KALRN: variants seen among roughly 807,000 people sequenced by gnomAD.
KALRN encodes the protein kalirin.
Under a neutral mutation model 353.7 loss-of-function variants are expected in KALRN, and 70 were observed. The observed-to-expected ratio is 0.20, with a 90% CI of 0.16 to 0.24. KALRN has a LOEUF of 0.24. Among genes scored for constraint, KALRN ranks in the 10% least tolerant of loss-of-function variants. The pLI, the probability that KALRN is intolerant of heterozygous loss-of-function variation, is 1.00. For missense variants in KALRN, 2,791 were observed against 3,756.7 expected, an observed-to-expected ratio of 0.74 and a Z score of 6.72; for synonymous variants, 1,391 against 1,434.8, an observed-to-expected ratio of 0.97 and a Z score of 0.69.
At chr3:124,337,308 T>A (rs150872587) in intron 9 of KALRN, among the ~76,000 whole-genome samples, 2,228 of 148,954 alleles carry the variant, frequency 0.015, 50 homozygotes, top group African/African-American at 0.053. Flanking sequence ...CATAAATAGC[T>A]TTTATTATTT....
intron 1 of KALRN, among the ~76,000 whole-genome samples, chr3:124,208,258 G>A (rs187642066): frequency 1.1e-3 from 169 of 152,304 alleles, no homozygotes; most frequent in Admixed American, 3.4e-3. Flanking sequence ...TCCTGTACTG[G>A]CACTCAGCCT....
intron 10 of KALRN, among the ~76,000 whole-genome samples, chr3:124,369,186 A>T (rs1560708146): frequency 1.3e-5 from 2 of 152,258 alleles, no homozygotes; most frequent in African/African-American, 4.8e-5. Context: ...TTCATCTTTA[A>T]GATAAATATA....
chr3:124,702,010 T>C, intron 56 of KALRN, 28 bp from the exon 57 acceptor site: 3 of 1,584,302 alleles, frequency 1.9e-6, no homozygotes, highest in Non-Finnish European at 2.6e-6. Context: ...ATCCTCGATA[T>C]TGTAAATGGA....
intron 13 of KALRN, among the ~76,000 whole-genome samples, chr3:124,411,433 C>CTTTTTTTTTTTTTTTTTTTT (rs61485429): frequency 3.9e-5 from 2 of 51,496 alleles, no homozygotes; most frequent in African/African-American, 6.3e-5. Context: ...TTAAATTATG[C>CTTTTTTTTTTTTTTTTTTTT]TTTTTTTTTT....
chr3:124,472,409 G>T (rs968841448), intron 25 of KALRN, among the ~76,000 whole-genome samples: 3 of 152,186 alleles, frequency 2.0e-5, no homozygotes, highest in Non-Finnish European at 4.4e-5. Context: ...AAGGGCCCAG[G>T]CTGGGCACGG....
intron 6 of KALRN, among the ~76,000 whole-genome samples, chr3:124,302,080 G>T (rs2077312155): frequency 6.6e-6 from 1 of 152,146 alleles, no homozygotes; most frequent in Non-Finnish European, 1.5e-5. Context: ...AGATTCAGGG[G>T]AATCCTAAAA....
At chr3:124,370,768 T>C (rs756483608) in intron 10 of KALRN, among the ~76,000 whole-genome samples, 2 of 152,242 alleles carry the variant, frequency 1.3e-5, no homozygotes, top group African/African-American at 2.4e-5. Flanking sequence ...TTGGCACCCA[T>C]TGAGTGGAAA....
intron 11 of KALRN, among the ~76,000 whole-genome samples, chr3:124,389,991 T>G (rs1189538592): frequency 6.6e-6 from 1 of 152,234 alleles, no homozygotes; most frequent in African/African-American, 2.4e-5. Context: ...TACTTGGGAC[T>G]TTCTTATACA....
At chr3:124,646,274 C>T (rs1052404317) in intron 37 of KALRN, among the ~76,000 whole-genome samples, 10 of 152,068 alleles carry the variant, frequency 6.6e-5, no homozygotes, top group African/African-American at 9.7e-5. Flanking sequence ...ATATGGAGCT[C>T]GCAGTCTCTA....
chr3:124,634,158 G>T (rs551044598), intron 36 of KALRN, among the ~76,000 whole-genome samples: 4 of 152,138 alleles, frequency 2.6e-5, no homozygotes, highest in African/African-American at 9.7e-5. Flanking sequence ...AGTGGAGGGG[G>T]TGTGTGCAGA....
rs556477834 is a variant in KALRN at position 124,518,785 on chromosome 3, A to G, written c.4935+22372A>G. The stretch of plus-strand genomic sequence containing the variant: ...ACTTCCCCCAGATCCCACTCAGAAC[A>G]GCAGGTACGCCCAGGCTCCTGCTGC... On this transcript the variant is annotated intron_variant, in intron 33 of 59. Transcript: ENST00000682506. 2,362 of 1,269,124 alleles carry G rather than the reference A, an allele frequency of 1.9e-3. 3 individuals carry two copies. The highest frequency in any genetic ancestry group is 2.3e-3 in the Non-Finnish European group (2,272 of 1,001,174). The allele number at this position is 1,269,124 out of a possible 1,614,324, so 78.6% of individuals were successfully genotyped here.
chr3:124,600,116 G>C (rs333248), intron 34 of KALRN, among the ~76,000 whole-genome samples: 100,895 of 152,166 alleles, frequency 0.66, 34,626 homozygotes, highest in African/African-American at 0.84. Context: ...TAGACCAGCC[G>C]CGGGGAAAGA....
chr3:124,625,556 A>G (rs541529887), intron 34 of KALRN, among the ~76,000 whole-genome samples: 4 of 151,280 alleles, frequency 2.6e-5, no homozygotes, highest in African/African-American at 9.7e-5. Context: ...CCCCATCTCT[A>G]TCTTCTTCCA....
chr3:124,450,137 T>C (rs191000823), intron 21 of KALRN, among the ~76,000 whole-genome samples: 1 of 152,280 alleles, frequency 6.6e-6, no homozygotes, highest in Admixed American at 6.5e-5. Context: ...TTTTTCAAAG[T>C]AGGTATACCA....
chr3:124,251,739 A>G (rs2071205399), intron 3 of KALRN, among the ~76,000 whole-genome samples: 1 of 152,122 alleles, frequency 6.6e-6, no homozygotes, highest in Non-Finnish European at 1.5e-5. Flanking sequence ...TGGGATTTGG[A>G]TGCAGAGATC....
chr3:124,289,413 A>G, intron 5 of KALRN, among the ~76,000 whole-genome samples: 1 of 152,158 alleles, frequency 6.6e-6, no homozygotes, highest in South Asian at 2.1e-4. Flanking sequence ...GTGGACCTAG[A>G]TTTGAGTCTT....
chr3:124,710,037 T>C (rs2062816817), intron 57 of KALRN, among the ~76,000 whole-genome samples: 1 of 152,216 alleles, frequency 6.6e-6, no homozygotes, highest in African/African-American at 2.4e-5. Flanking sequence ...CCTTCAAAAT[T>C]GTGAATGAAA....
chr3:124,481,372 A>T lies in KALRN; in HGVS notation c.4192-1436A>T, dbSNP rs568089823. 1.2e-3 allele frequency among the ~76,000 whole-genome samples: 185 copies of T among 152,032 alleles called. 1 individual carries two copies. The highest frequency in any genetic ancestry group is 4.1e-3 in the African/African-American group (171 of 41,478). Reference sequence around the variant, plus strand: ...CAGGCACGTGCCACCATACCCAGCTAATTTTTGTATTTTTTGTAGAGATGG... The same window carrying T: ...CAGGCACGTGCCACCATACCCAGCTTATTTTTGTATTTTTTGTAGAGATGG... On this transcript the variant is annotated intron_variant, in intron 27 of 59. Transcript: ENST00000682506.
At chr3:124,234,214 C>A (rs114918311) in intron 2 of KALRN, among the ~76,000 whole-genome samples, 1 of 152,194 alleles carries the variant, frequency 6.6e-6, no homozygotes, top group Non-Finnish European at 1.5e-5. Context: ...GATTCATGTG[C>A]TCCTCTAGCA....
Sources: allele counts gnomAD v4.1 joint callset (sites outside exome capture counted in the v4.1 genomes callset), GRCh38; gene constraint gnomAD v4.1.1; transcripts MANE v1.5; gene names NCBI Gene and HGNC (gene_info 2026-07-23, HGNC 2026-07-21).